TEC: variants seen among roughly 807,000 people sequenced by gnomAD.
TEC encodes the protein tec protein tyrosine kinase.
In TEC, 72 loss-of-function variants were observed where a neutral mutation model predicts 93.0. The observed-to-expected ratio is 0.77, with a 90% CI of 0.64 to 0.94. TEC has a LOEUF of 0.94. TEC is among the 40% of genes least tolerant of loss of function. The pLI is 0.00. For synonymous variants in TEC, 249 were observed against 247.7 expected (o/e 1.01, Z -0.05); for missense variants, 630 against 757.9 (o/e 0.83, Z 1.98).
intron 1 of TEC, among the ~76,000 whole-genome samples, chr4:48,229,258 A>G (rs900462362): frequency 3.9e-5 from 6 of 152,190 alleles, no homozygotes; most frequent in African/African-American, 7.2e-5. Context: ...TCTCCACCAC[A>G]AGAGAAATGG....
At chr4:48,264,619 C>T (rs1387955973) in intron 1 of TEC, among the ~76,000 whole-genome samples, 1 of 149,558 alleles carries the variant, frequency 6.7e-6, no homozygotes, top group Non-Finnish European at 1.5e-5. Context: ...CCCCAGTCGA[C>T]AAGCTCATCC....
chr4:48,158,766 C>T (rs1477509110), intron 8 of TEC, among the ~76,000 whole-genome samples: 1 of 152,126 alleles, frequency 6.6e-6, no homozygotes, highest in Non-Finnish European at 1.5e-5. Flanking sequence ...GAGGTCCCTT[C>T]CTCATCTACT....
chr4:48,162,359 G>A (rs937874499), intron 8 of TEC, among the ~76,000 whole-genome samples: 4 of 152,130 alleles, frequency 2.6e-5, no homozygotes, highest in Non-Finnish European at 5.9e-5. Context: ...TGAAACACTC[G>A]AGGCCATGAA....
At position 48,241,530 on chromosome 4, in the gene TEC, A is replaced by G. The variant is rs532377352; in HGVS notation, c.-45-12871T>C. The stretch of plus-strand genomic sequence containing the variant: ...TCATCTCAGCCTAGAAGCCAGACAC[A>G]TGAGTGAGAGACCTTCAAATGATTC... On this transcript the variant is annotated intron_variant, in intron 1 of 17. Transcript: ENST00000381501. 7.9e-5 allele frequency among the ~76,000 whole-genome samples: 12 copies of G among 152,316 alleles called. 1 individual carries two copies. The highest frequency in any genetic ancestry group is 7.2e-4 in the Admixed American group (11 of 15,292).
intron 3 of TEC, among the ~76,000 whole-genome samples, chr4:48,173,452 G>A (rs1456000562): frequency 2.2e-5 from 3 of 138,218 alleles, no homozygotes; most frequent in Non-Finnish European, 4.7e-5. Context: ...AGGTATTTGT[G>A]GGCCAGTATC....
rs1722426768 is a variant in TEC at position 48,199,531 on chromosome 4, A to T, written c.139-23345T>A. Among the ~76,000 whole-genome samples the T allele has an allele frequency of 2.4e-5, 3 of 126,910 alleles. No homozygotes were observed. In the South Asian group the frequency reaches 7.4e-4, roughly 31 times the overall value. 83.3% of individuals were successfully genotyped at this position (126,910 alleles called of 152,430 possible). ...ACCCAGGCTGGAGTGCAGAGGCACG[A>T]TCTCAGCTCACTACAACCTCCGCCT... On this transcript the variant is annotated intron_variant, in intron 2 of 17. Transcript: ENST00000381501.
intron 2 of TEC, among the ~76,000 whole-genome samples, chr4:48,187,366 C>G (rs191681669): frequency 1.3e-5 from 2 of 151,800 alleles, no homozygotes; most frequent in Admixed American, 6.6e-5. Flanking sequence ...GACCTTCCCT[C>G]CACTATTGTC....
In TEC at chr4:48,256,256, A is replaced by G. The variant is rs1167656275; in HGVS notation, c.-46+13496T>C. 3.3e-5 allele frequency among the ~76,000 whole-genome samples: 5 copies of G among 152,088 alleles called. No homozygotes were observed. In the East Asian group the frequency reaches 9.6e-4, roughly 29 times the overall value. On this transcript the variant is annotated intron_variant, in intron 1 of 17. Coordinates refer to ENST00000381501, the MANE Select transcript of TEC (RefSeq NM_003215.3). ...CTACCAGAATGCGAGGAAGAGACAG[A>G]AGGGCTACAATCCACCGCCCACCCT... is the stretch of plus-strand genomic sequence containing the variant.
chr4:48,208,615 GC>G (rs1722792508), intron 2 of TEC, among the ~76,000 whole-genome samples: 1 of 151,960 alleles, frequency 6.6e-6, no homozygotes, highest in Non-Finnish European at 1.5e-5. Flanking sequence ...CTTCTCCGTG[GC>G]CTGCCCTGCT....
intron 2 of TEC, among the ~76,000 whole-genome samples, chr4:48,227,192 C>T (rs1352017194): frequency 6.6e-5 from 10 of 151,984 alleles, no homozygotes; most frequent in South Asian, 2.1e-4. Context: ...GTCACAATGA[C>T]GAGCCACAGC....
intron 2 of TEC, among the ~76,000 whole-genome samples, chr4:48,206,158 G>A (rs1228490576): frequency 6.6e-6 from 1 of 152,044 alleles, no homozygotes; most frequent in African/African-American, 2.4e-5. Flanking sequence ...GATTAGGGTT[G>A]CCAGGGGCTG....
rs371848159 is a variant in TEC at position 48,166,211 on chromosome 4, G to A, written c.671+1567C>T. On this transcript the variant is annotated intron_variant, in intron 7 of 17. Coordinates refer to ENST00000381501, the MANE Select transcript of TEC (RefSeq NM_003215.3). ...AGATCCATATGGTACATGAGAGATA[G>A]AGCCAGGGCAGGAGGGAAGAAAGAA... Among the ~76,000 whole-genome samples, 16 of 147,782 alleles carry A rather than the reference G, an allele frequency of 1.1e-4. No individual in the cohort carries two copies. The East Asian group carries it at 3.3e-3, about 30-fold the overall frequency.
intron 1 of TEC, among the ~76,000 whole-genome samples, chr4:48,248,169 T>C (rs1423753248): frequency 6.6e-6 from 1 of 152,232 alleles, no homozygotes; most frequent in African/African-American, 2.4e-5. Flanking sequence ...TTCTATCAGT[T>C]AGCTTTTGAT....
At chr4:48,247,724 A>G (rs1196611307) in intron 1 of TEC, among the ~76,000 whole-genome samples, 1 of 152,202 alleles carries the variant, frequency 6.6e-6, no homozygotes, top group African/African-American at 2.4e-5. Context: ...GGTTACTGAT[A>G]TGGAGGTGTG....
intron 2 of TEC, among the ~76,000 whole-genome samples, chr4:48,210,477 T>C (rs1722863073): frequency 6.9e-6 from 1 of 145,674 alleles, no homozygotes; most frequent in Admixed American, 6.8e-5. Flanking sequence ...AGAATGAGAC[T>C]GCCTCTTTAT....
chr4:48,142,386 T>C lies in TEC; in HGVS notation c.1471-967A>G, dbSNP rs181977140. On this transcript the variant is annotated intron_variant, in intron 14 of 17. Transcript: ENST00000381501. ...CTACCTAGGACTGGAGGCAGGAGAA[T>C]TGCTTGAACCCATGAGGTGGAGGTT... Among the ~76,000 whole-genome samples, 431 of 152,168 alleles carry C rather than the reference T, an allele frequency of 2.8e-3. 4 individuals are homozygous for C. Among genetic ancestry groups the C allele is most frequent in the African/African-American group, 0.01 (416 of 41,534 alleles).
chr4:48,224,988 T>C (rs1247254990), intron 2 of TEC, among the ~76,000 whole-genome samples: 6 of 152,306 alleles, frequency 3.9e-5, no homozygotes, highest in Middle Eastern at 3.4e-3. Context: ...AGCCTCCTCA[T>C]TGTTTTTCTA....
At chr4:48,179,743 G>A (rs1437314621) in intron 2 of TEC, among the ~76,000 whole-genome samples, 1 of 152,018 alleles carries the variant, frequency 6.6e-6, no homozygotes, top group Non-Finnish European at 1.5e-5. Context: ...AGGAATGGCA[G>A]GAAGAGAAAT....
At chr4:48,169,377 TA>T (rs547712523) in intron 5 of TEC, among the ~76,000 whole-genome samples, 161 of 148,002 alleles carry the variant, frequency 1.1e-3, no homozygotes, top group African/African-American at 3.3e-3. Flanking sequence ...CTTAAGACAT[TA>T]AAAAAAAAAT....
Sources: allele counts gnomAD v4.1 joint callset (sites outside exome capture counted in the v4.1 genomes callset), GRCh38; gene constraint gnomAD v4.1.1; transcripts MANE v1.5; gene names NCBI Gene and HGNC (gene_info 2026-07-23, HGNC 2026-07-21).